The following SYNDIG1 variants were observed in gnomAD, a reference collection of about 807,000 sequenced individuals.
SYNDIG1 encodes the protein synapse differentiation-inducing gene protein 1.
Under a neutral mutation model 19.4 loss-of-function variants are expected in SYNDIG1, and 9 were observed. The ratio of observed to expected loss-of-function variants is 0.46; its 90% CI spans 0.28 to 0.81. The LOEUF (loss-of-function observed/expected upper bound fraction) is 0.81, where lower values mean the gene tolerates loss of function less well. Ranked by LOEUF, SYNDIG1 falls within the 30% of genes least tolerant of loss-of-function variation. The pLI, the probability that SYNDIG1 is intolerant of heterozygous loss-of-function variation, is 0.12. For synonymous variants in SYNDIG1, 141 were observed against 145.9 expected, an observed-to-expected ratio of 0.97 and a Z score of 0.24; for missense variants, 311 against 343.3, an observed-to-expected ratio of 0.91 and a Z score of 0.74.
intron 1 of SYNDIG1, among the ~76,000 whole-genome samples, chr20:24,503,915 T>G (rs1013676728): frequency 1.3e-5 from 2 of 151,872 alleles, no homozygotes; most frequent in African/African-American, 4.8e-5. Flanking sequence ...TCATGAGGAT[T>G]GCTGCTTACA....
Position 24,665,675 on chromosome 20 carries a change from A to G in SYNDIG1, c.*171A>G. 1 of 882,224 alleles carries G rather than the reference A, an allele frequency of 1.1e-6. No individual in the cohort carries two copies. Among genetic ancestry groups the G allele is most frequent in the Non-Finnish European group, 1.7e-6 (1 of 602,596 alleles). 54.6% of individuals were successfully genotyped at this position (882,224 alleles called of 1,614,324 possible). The stretch of plus-strand genomic sequence containing the variant: ...GTTTTTATCCTTTAATTTCATGTTC[A>G]CAGCACTGTGTAGAGCACCAGACAG... On this transcript the variant is annotated 3_prime_UTR_variant, in exon 4 of 4. Coordinates refer to ENST00000376862, the MANE Select transcript of SYNDIG1 (RefSeq NM_024893.3).
chr20:24,536,460 C>T (rs917529500), intron 1 of SYNDIG1, among the ~76,000 whole-genome samples: 1 of 152,192 alleles, frequency 6.6e-6, no homozygotes, highest in South Asian at 2.1e-4. Context: ...TGGATCAGCT[C>T]CTTCAAGGCA....
intron 2 of SYNDIG1, among the ~76,000 whole-genome samples, chr20:24,561,767 C>T (rs919568715): frequency 6.6e-5 from 10 of 151,616 alleles, no homozygotes; most frequent in African/African-American, 1.9e-4. Context: ...ACTATCTAAG[C>T]GCTGGGCGTG....
At chr20:24,640,903 C>G (rs916775292) in intron 3 of SYNDIG1, among the ~76,000 whole-genome samples, 5 of 152,238 alleles carry the variant, frequency 3.3e-5, no homozygotes, top group African/African-American at 1.2e-4. Flanking sequence ...AGGTGCCTGC[C>G]AGCCTGCATG....
At chr20:24,550,675 A>AT (rs578025624) in intron 2 of SYNDIG1, among the ~76,000 whole-genome samples, 6 of 151,422 alleles carry the variant, frequency 4.0e-5, no homozygotes, top group South Asian at 4.2e-4. Context: ...TGCCCGGCTA[A>AT]TTTTTTTTGT....
chr20:24,622,186 T>C (rs2059049665), intron 3 of SYNDIG1, among the ~76,000 whole-genome samples: 1 of 152,042 alleles, frequency 6.6e-6, no homozygotes, highest in African/African-American at 2.4e-5. Context: ...AGCAGAAAGA[T>C]GAAAAGAAAT....
At chr20:24,500,294 G>T (rs948095990) in intron 1 of SYNDIG1, among the ~76,000 whole-genome samples, 1 of 152,116 alleles carries the variant, frequency 6.6e-6, no homozygotes, top group African/African-American at 2.4e-5. Context: ...ATCGTTGATA[G>T]AAAATGGCAG....
At chr20:24,477,816 G>A (rs564558460) in intron 1 of SYNDIG1, among the ~76,000 whole-genome samples, 1 of 152,184 alleles carries the variant, frequency 6.6e-6, no homozygotes, top group Non-Finnish European at 1.5e-5. Flanking sequence ...GCTGGGGTGC[G>A]ATGGAGGGGC....
At chr20:24,473,848 G>T (rs1023575854) in intron 1 of SYNDIG1, among the ~76,000 whole-genome samples, 4 of 152,162 alleles carry the variant, frequency 2.6e-5, no homozygotes, top group Admixed American at 1.3e-4. Context: ...CAACATTAAC[G>T]CTTGGTTTTC....
At chr20:24,477,252 T>A (rs2055654847) in intron 1 of SYNDIG1, among the ~76,000 whole-genome samples, 1 of 152,212 alleles carries the variant, frequency 6.6e-6, no homozygotes, top group Admixed American at 6.5e-5. Flanking sequence ...ACAGGGCTGC[T>A]TAGTGAGTGC....
intron 1 of SYNDIG1, among the ~76,000 whole-genome samples, chr20:24,470,058 A>G (rs1159270225): frequency 6.6e-6 from 1 of 152,046 alleles, no homozygotes; most frequent in African/African-American, 2.4e-5. Flanking sequence ...GTGCCTTGCC[A>G]CCCCGGGAGA....
In SYNDIG1 at chr20:24,556,332, A is replaced by T. The variant is rs145670277; in HGVS notation, c.480+12755A>T. Among the ~76,000 whole-genome samples the T allele has an allele frequency of 1.9e-3, 291 of 152,232 alleles. 2 individuals are homozygous for T. Among genetic ancestry groups the T allele is most frequent in the African/African-American group, 6.4e-3 (267 of 41,526 alleles). On this transcript the variant is annotated intron_variant, in intron 2 of 3. Transcript: ENST00000376862. ...TTAAAGTTGATATTGTTTTGTGTGA[A>T]ATTGATCCTGTCATTATGATGTTAG... is the stretch of plus-strand genomic sequence containing the variant.
Position 24,500,530 on chromosome 20 carries a change from CTTCT to C in SYNDIG1, c.-79+30796_-79+30799del, listed in dbSNP as rs1444608818. Among the ~76,000 whole-genome samples, 351 of 106,078 alleles carry C rather than the reference CTTCT, an allele frequency of 3.3e-3. 2 individuals are homozygous for C. The highest frequency in any genetic ancestry group is 1.0e-2 in the African/African-American group (265 of 26,614). The allele number at this position is 106,078 out of a possible 152,430, so 69.6% of individuals were successfully genotyped here. On this transcript the variant is annotated intron_variant, in intron 1 of 3. Coordinates refer to ENST00000376862, the MANE Select transcript of SYNDIG1 (RefSeq NM_024893.3). ...TCTTTCTTTCTTTCTTTCTTTCTTT[CTTCT>C]TTCTTTCTTTCTTTCTTTTTTCTTT... is the stretch of plus-strand genomic sequence containing the variant.
chr20:24,635,661 A>G (rs1377783937), intron 3 of SYNDIG1, among the ~76,000 whole-genome samples: 1 of 152,192 alleles, frequency 6.6e-6, no homozygotes, highest in Admixed American at 6.5e-5. Context: ...TTACATTCAC[A>G]TCACAAAACA....
At chr20:24,586,099 C>T (rs983733506) in intron 3 of SYNDIG1, among the ~76,000 whole-genome samples, 1 of 152,150 alleles carries the variant, frequency 6.6e-6, no homozygotes, top group Non-Finnish European at 1.5e-5. Context: ...GGTGACTGGC[C>T]CCTCTTTCTG....
Position 24,528,645 on chromosome 20 carries a change from A to G in SYNDIG1, c.-78-14375A>G, listed in dbSNP as rs985142685. Reference sequence around the variant, plus strand: ...GCCCTTTTGTACAGGCACTAATCCTATGGGCGAGGGCTTAATCACCTCCAA... The same window carrying G: ...GCCCTTTTGTACAGGCACTAATCCTGTGGGCGAGGGCTTAATCACCTCCAA... On this transcript the variant is annotated intron_variant, in intron 1 of 3. Transcript: ENST00000376862. 2.6e-5 allele frequency among the ~76,000 whole-genome samples: 4 copies of G among 152,262 alleles called. No individual in the cohort carries two copies. In the South Asian group the frequency reaches 8.3e-4, roughly 32 times the overall value.
At chr20:24,615,662 C>A (rs1420447498) in intron 3 of SYNDIG1, among the ~76,000 whole-genome samples, 1 of 152,174 alleles carries the variant, frequency 6.6e-6, no homozygotes, top group African/African-American at 2.4e-5. Context: ...ACACACAGGT[C>A]CTCAGTTTAT....
Position 24,543,382 on chromosome 20 carries a change from A to G in SYNDIG1, c.285A>G (p.Ser95=). 6.2e-7 allele frequency: 1 copy of G among 1,613,652 alleles called. No individual in the cohort carries two copies. The highest frequency in any genetic ancestry group is 8.5e-7 in the Non-Finnish European group (1 of 1,180,028). The change falls in exon 2 of 4, where the codon TCA becomes TCG. Residue 95 remains serine, a synonymous_variant. Coordinates refer to ENST00000376862, the MANE Select transcript of SYNDIG1 (RefSeq NM_024893.3). ...SRYRPNIILY[S]EGVLRSWGDG... ...ACCGGCCCAACATCATCCTCTATTCAGAGGGCGTGCTGCGCTCCTGGGGGG... is the reference window on the plus strand; with the variant it reads ...ACCGGCCCAACATCATCCTCTATTCGGAGGGCGTGCTGCGCTCCTGGGGGG...
intron 2 of SYNDIG1, among the ~76,000 whole-genome samples, chr20:24,552,014 T>G (rs939177604): frequency 2.0e-5 from 3 of 152,234 alleles, no homozygotes; most frequent in Non-Finnish European, 4.4e-5. Context: ...TCGTGTCTCC[T>G]GTTCTTTCTG....
Sources: allele counts gnomAD v4.1 joint callset (sites outside exome capture counted in the v4.1 genomes callset), GRCh38; gene constraint gnomAD v4.1.1; transcripts MANE v1.5; gene names NCBI Gene and HGNC (gene_info 2026-07-23, HGNC 2026-07-21).